KLHL29: variants seen among roughly 807,000 people sequenced by gnomAD.
KLHL29 encodes kelch like family member 29, also known as kelch-like protein 29.
In KLHL29, 21 loss-of-function variants were observed where a neutral mutation model predicts 80.4. That is an observed-to-expected ratio of 0.26 (90% CI 0.19 to 0.38). The LOEUF is 0.38. Among genes scored for constraint, KLHL29 ranks in the 10% least tolerant of loss-of-function variants. The probability of loss-of-function intolerance (pLI) is 1.00; values close to 1 mark genes in which losing one functional copy is unlikely to be tolerated. For synonymous variants in KLHL29, 511 were observed against 526.8 expected (o/e 0.97, Z 0.41); for missense variants, 867 against 1,223.9 (o/e 0.71, Z 4.35).
chr2:23,564,682 A>G (rs1318403754), intron 3 of KLHL29, among the ~76,000 whole-genome samples: 3 of 152,230 alleles, frequency 2.0e-5, no homozygotes, highest in Admixed American at 1.3e-4. Context: ...ACCCCGTGCC[A>G]AGACCACATC....
chr2:23,464,049 G>A (rs1341164917), intron 1 of KLHL29, among the ~76,000 whole-genome samples: 1 of 152,206 alleles, frequency 6.6e-6, no homozygotes, highest in Admixed American at 6.5e-5. Flanking sequence ...AATGTAGCGG[G>A]TGAAGCCCTG....
intron 2 of KLHL29, among the ~76,000 whole-genome samples, chr2:23,522,947 C>G (rs1666152433): frequency 6.6e-6 from 1 of 152,138 alleles, no homozygotes; most frequent in Non-Finnish European, 1.5e-5. Context: ...TGATTGCGTT[C>G]CCTGTGGAGC....
intron 3 of KLHL29, among the ~76,000 whole-genome samples, chr2:23,590,305 A>G (rs1668226961): frequency 1.3e-5 from 2 of 152,232 alleles, no homozygotes; most frequent in African/African-American, 4.8e-5. Context: ...CTGCCCAAGC[A>G]GAGTTCTAGC....
chr2:23,542,152 T>C (rs893330905), intron 2 of KLHL29, among the ~76,000 whole-genome samples: 11 of 152,236 alleles, frequency 7.2e-5, no homozygotes. Context: ...CTTTGATCTC[T>C]TGTCTAAAAT....
At chr2:23,411,986 A>G (rs1666871086) in intron 1 of KLHL29, among the ~76,000 whole-genome samples, 1 of 152,106 alleles carries the variant, frequency 6.6e-6, no homozygotes, top group Non-Finnish European at 1.5e-5. Flanking sequence ...AAATGTAGCA[A>G]AGGTTGAGAA....
intron 3 of KLHL29, among the ~76,000 whole-genome samples, chr2:23,608,921 G>A (rs1276372919): frequency 6.6e-6 from 1 of 152,114 alleles, no homozygotes; most frequent in African/African-American, 2.4e-5. Flanking sequence ...TAAGCAATTA[G>A]GAAATAAAAT....
chr2:23,469,095 G>A lies in KLHL29; in HGVS notation c.-153-6465G>A, dbSNP rs147035169. Among the ~76,000 whole-genome samples the A allele has an allele frequency of 4.1e-3, 622 of 152,340 alleles. 4 individuals are homozygous for A. Among genetic ancestry groups the A allele is most frequent in the African/African-American group, 0.014 (591 of 41,586 alleles). On this transcript the variant is annotated intron_variant, in intron 1 of 13. Coordinates refer to ENST00000486442, the MANE Select transcript of KLHL29 (RefSeq NM_052920.2). ...CTCCACAAGACTCCAGTCAAGTCTT[G>A]TTTAAATGTTATAGCCTGGTCCCAG...
intron 3 of KLHL29, among the ~76,000 whole-genome samples, chr2:23,598,985 G>A (rs766515755): frequency 7.2e-5 from 11 of 152,216 alleles, no homozygotes; most frequent in Admixed American, 2.0e-4. Flanking sequence ...AGCCCAGCTT[G>A]CATGAAACAA....
At chr2:23,683,265 C>T (rs1671142620) in intron 5 of KLHL29, among the ~76,000 whole-genome samples, 1 of 152,246 alleles carries the variant, frequency 6.6e-6, no homozygotes, top group African/African-American at 2.4e-5. Flanking sequence ...GCCACCCTCT[C>T]CCACACACCT....
chr2:23,597,848 T>C (rs1668466851), intron 3 of KLHL29, among the ~76,000 whole-genome samples: 1 of 152,124 alleles, frequency 6.6e-6, no homozygotes, highest in African/African-American at 2.4e-5. Flanking sequence ...ATCTTCCTGG[T>C]CCCCATCCCC....
Position 23,512,583 on chromosome 2 carries a change from T to G in KLHL29, c.-46+36916T>G, listed in dbSNP as rs534567355. 2.0e-5 allele frequency among the ~76,000 whole-genome samples: 3 copies of G among 152,368 alleles called. No individual in the cohort carries two copies. The South Asian group carries it at 6.2e-4, about 32-fold the overall frequency. ...AAATGTTAGCGATCAATATGGCTTT[T>G]TCCACCCAAATGAGTGATGTTCTGC... On this transcript the variant is annotated intron_variant, in intron 2 of 13. Transcript: ENST00000486442.
intron 1 of KLHL29, among the ~76,000 whole-genome samples, chr2:23,465,114 G>A (rs546070062): frequency 1.1e-4 from 17 of 152,254 alleles, no homozygotes; most frequent in Non-Finnish European, 1.5e-4. Context: ...CATTTGACAC[G>A]GCCTCTACTG....
At chr2:23,485,200 C>A (rs1238641877) in intron 2 of KLHL29, among the ~76,000 whole-genome samples, 1 of 152,206 alleles carries the variant, frequency 6.6e-6, no homozygotes, top group Non-Finnish European at 1.5e-5. Flanking sequence ...GTGCTCCTGG[C>A]CCCTCAGCCC....
intron 1 of KLHL29, among the ~76,000 whole-genome samples, chr2:23,409,428 G>C (rs750964390): frequency 6.6e-6 from 1 of 152,216 alleles, no homozygotes; most frequent in Non-Finnish European, 1.5e-5. Context: ...CAGACGGCTT[G>C]TGAATGTTCT....
At chr2:23,529,560 A>C (rs1666430203) in intron 2 of KLHL29, among the ~76,000 whole-genome samples, 1 of 150,768 alleles carries the variant, frequency 6.6e-6, no homozygotes, top group Non-Finnish European at 1.5e-5. Flanking sequence ...CCTTCCCCCC[A>C]CCTCAGCCCC....
At chr2:23,699,868 T>C (rs972411820) in intron 11 of KLHL29, among the ~76,000 whole-genome samples, 2 of 152,142 alleles carry the variant, frequency 1.3e-5, no homozygotes, top group African/African-American at 2.4e-5. Context: ...AGTTATTTCC[T>C]GTCTTGACCT....
intron 3 of KLHL29, among the ~76,000 whole-genome samples, chr2:23,600,510 C>A (rs1668542160): frequency 1.3e-5 from 2 of 152,240 alleles, no homozygotes; most frequent in South Asian, 4.2e-4. Context: ...ATGAGCACTT[C>A]ATCTGCCAGA....
chr2:23,524,394 C>CACTT, intron 2 of KLHL29: 1 of 164,186 alleles, frequency 6.1e-6, no homozygotes, highest in Non-Finnish European at 1.3e-5. Flanking sequence ...CCCCGGGCTC[C>CACTT]CGGGAGGCGT....
At chr2:23,470,349 G>A (rs1238136339) in intron 1 of KLHL29, among the ~76,000 whole-genome samples, 1 of 152,190 alleles carries the variant, frequency 6.6e-6, no homozygotes. Flanking sequence ...ACGAGGAGAA[G>A]GGTGACGGCA....
Sources: gnomAD v4.1 joint callset for allele counts (sites outside exome capture counted in the v4.1 genomes callset) on GRCh38, gnomAD v4.1.1 for gene constraint, MANE v1.5 for transcripts, NCBI Gene and HGNC (gene_info 2026-07-23, HGNC 2026-07-21) for gene names.